The following INSC variants were observed in gnomAD, a reference collection of about 807,000 sequenced individuals.
INSC encodes the protein protein inscuteable homolog.
Under a neutral mutation model 58.6 loss-of-function variants are expected in INSC, and 67 were observed. That is an observed-to-expected ratio of 1.14 (90% CI 0.94 to 1.40). The LOEUF (loss-of-function observed/expected upper bound fraction) is 1.40. Among genes scored for constraint, INSC ranks in the 40% most tolerant of loss-of-function variants. The probability of loss-of-function intolerance (pLI) is 0.00; values close to 1 mark genes in which losing one functional copy is unlikely to be tolerated. For synonymous variants in INSC, 262 were observed against 276.1 expected (o/e 0.95, Z 0.51); for missense variants, 714 against 692.0 (o/e 1.03, Z -0.36).
intron 2 of INSC, among the ~76,000 whole-genome samples, chr11:15,162,282 T>C (rs1408967661): frequency 2.0e-5 from 3 of 152,204 alleles, no homozygotes; most frequent in Non-Finnish European, 4.4e-5. Flanking sequence ...CTTTCTACTC[T>C]AGCCACACTT....
At chr11:15,193,530 G>C (rs145395980) in intron 6 of INSC, among the ~76,000 whole-genome samples, 19 of 152,282 alleles carry the variant, frequency 1.2e-4, no homozygotes, top group African/African-American at 4.6e-4. Flanking sequence ...ACCTATGAGT[G>C]AGAACATGCG....
chr11:15,118,727 C>T (rs1398029421), intron 1 of INSC, among the ~76,000 whole-genome samples: 1 of 152,182 alleles, frequency 6.6e-6, no homozygotes, highest in African/African-American at 2.4e-5. Flanking sequence ...CTGGTTGTCC[C>T]CTGGGCTTTA....
intron 2 of INSC, among the ~76,000 whole-genome samples, chr11:15,168,889 T>G (rs1849293961): frequency 6.6e-6 from 1 of 152,270 alleles, no homozygotes; most frequent in Admixed American, 6.5e-5. Context: ...GAACTGTAGC[T>G]CAATATTATG....
At chr11:15,255,736 A>ATGTGTGTGTGTGTG in the INSC span, among the ~76,000 whole-genome samples, 149 of 148,016 alleles carry the variant, frequency 1.0e-3, 1 homozygote, top group African/African-American at 3.0e-3. Flanking sequence ...AAGTGTGTGT[A>ATGTGTGTGTGTGTG]TGTGTGTGTG....
chr11:15,258,972 C>CT, the INSC span, among the ~76,000 whole-genome samples: 1 of 152,232 alleles, frequency 6.6e-6, no homozygotes, highest in South Asian at 2.1e-4. Context: ...AAAACAAGGT[C>CT]TTTGTTTTCA....
intron 7 of INSC, among the ~76,000 whole-genome samples, chr11:15,205,423 T>C (rs988897683): frequency 6.6e-6 from 1 of 152,210 alleles, no homozygotes; most frequent in African/African-American, 2.4e-5. Flanking sequence ...GGGATTTGCT[T>C]AGCACAGTTC....
At chr11:15,171,647 C>T (rs1849403036) in intron 2 of INSC, among the ~76,000 whole-genome samples, 2 of 152,282 alleles carry the variant, frequency 1.3e-5, no homozygotes, top group South Asian at 4.1e-4. Flanking sequence ...CCCAGCAGAT[C>T]CTTACTCTAA....
At chr11:15,134,131 T>A (rs1464563875) in intron 1 of INSC, among the ~76,000 whole-genome samples, 1 of 152,202 alleles carries the variant, frequency 6.6e-6, no homozygotes, top group Non-Finnish European at 1.5e-5. Context: ...TAGTACTGAT[T>A]ACTTTGGACG....
rs371513691 is a variant in INSC, at chr11:15,245,463, C to A, written c.1471-449C>A. Among the ~76,000 whole-genome samples the A allele has an allele frequency of 1.2e-3, 178 of 152,246 alleles. 4 individuals are homozygous for A. The South Asian group carries it at 0.036, about 31-fold the overall frequency. On this transcript the variant is annotated intron_variant, in intron 12 of 12. Transcript: ENST00000379556. ...GCCAGCACCTCTCTTTCCTGTTCAT[C>A]CCCCTTGCCAGGTGTTGAATTTCTC...
At chr11:15,259,555 G>T in the INSC span, among the ~76,000 whole-genome samples, 1 of 152,216 alleles carries the variant, frequency 6.6e-6, no homozygotes, top group South Asian at 2.1e-4. Context: ...CATTATTTTT[G>T]TCCACTTTTA....
chr11:15,222,513 T>C (rs1270527040), intron 8 of INSC, among the ~76,000 whole-genome samples: 1 of 152,188 alleles, frequency 6.6e-6, no homozygotes, highest in African/African-American at 2.4e-5. Context: ...ACCCTGGGTT[T>C]GGACTCGGGC....
At chr11:15,260,454 CTCAG>C in the INSC span, among the ~76,000 whole-genome samples, 2 of 152,078 alleles carry the variant, frequency 1.3e-5, no homozygotes, top group Admixed American at 6.6e-5. Flanking sequence ...GGATGTAAAT[CTCAG>C]TCAGCCACTT....
chr11:15,166,634 T>G (rs1315499464), intron 2 of INSC, among the ~76,000 whole-genome samples: 2 of 152,216 alleles, frequency 1.3e-5, no homozygotes. Flanking sequence ...GAAAATATTT[T>G]TTTCAAATAA....
intron 9 of INSC, among the ~76,000 whole-genome samples, chr11:15,229,518 C>A (rs908704643): frequency 6.6e-6 from 1 of 152,130 alleles, no homozygotes; most frequent in Admixed American, 6.5e-5. Flanking sequence ...ATCACTTAAT[C>A]TCTGAGCCAC....
At position 15,202,938 on chromosome 11, in the gene INSC, C is replaced by G. The variant is rs558948959; in HGVS notation, c.819+1989C>G. Among the ~76,000 whole-genome samples, 10 of 152,336 alleles carry G rather than the reference C, an allele frequency of 6.6e-5. No individual in the cohort carries two copies. The East Asian group carries it at 1.9e-3, about 29-fold the overall frequency. On this transcript the variant is annotated intron_variant, in intron 7 of 12. Transcript: ENST00000379556. ...CCCAGGCCCTAGCCTGAGATTCAGA[C>G]CCTGCCCAGTTGAGCAAAAGGAGAA... is the stretch of plus-strand genomic sequence containing the variant.
At chr11:15,229,210 G>A (rs1202933972) in intron 9 of INSC, among the ~76,000 whole-genome samples, 1 of 152,158 alleles carries the variant, frequency 6.6e-6, no homozygotes, top group African/African-American at 2.4e-5. Context: ...GGAATTAACT[G>A]CTTTCATAAG....
intron 1 of INSC, among the ~76,000 whole-genome samples, chr11:15,118,465 T>C (rs144527206): frequency 8.0e-4 from 122 of 152,326 alleles, no homozygotes; most frequent in African/African-American, 2.7e-3. Context: ...AGGCATTGCA[T>C]TGAGGTCCTG....
chr11:15,172,570 A>G (rs140312388), intron 2 of INSC, among the ~76,000 whole-genome samples: 73 of 152,272 alleles, frequency 4.8e-4, no homozygotes, highest in Admixed American at 1.6e-3. Flanking sequence ...CTGAGGGGGA[A>G]CTCATGAGCT....
In INSC at chr11:15,178,427, G is replaced by A. The variant is rs1045445945; in HGVS notation, c.559G>A (p.Ala187Thr). 7 of 1,611,678 alleles carry A rather than the reference G, an allele frequency of 4.3e-6. No homozygotes were observed. Among genetic ancestry groups the A allele is most frequent in the Non-Finnish European group, 5.1e-6 (6 of 1,179,992 alleles). ...GQHFGQLLEL[A>T]LTREVQALVR... ...GCACTTTGGTCAGCTGCTGGAGCTG[G>A]CCCTGACACGGGAGGTTCAGGTCAG... Residue 187 changes from alanine to threonine, a missense_variant, in exon 5 of 13, where the codon GCC becomes ACC. Physicochemically the swap from Ala to Thr is moderately conservative, Grantham distance 58. Transcript: ENST00000379556.
Sources: gnomAD v4.1 joint callset for allele counts (sites outside exome capture counted in the v4.1 genomes callset) on GRCh38, gnomAD v4.1.1 for gene constraint, MANE v1.5 for transcripts, NCBI Gene and HGNC (gene_info 2026-07-23, HGNC 2026-07-21) for gene names.